Variants in CEP63 observed in about 807,000 individuals in gnomAD.
The protein encoded by CEP63 is centrosomal protein 63, also known as centrosomal protein of 63 kDa.
A neutral mutation model predicts 89.1 loss-of-function variants in CEP63; 84 were observed. The observed-to-expected ratio is 0.94, with a 90% CI of 0.79 to 1.13. The LOEUF is 1.13. Among genes scored for constraint, CEP63 ranks in the 50% most tolerant of loss-of-function variants. CEP63 has a pLI of 0.00. For missense variants in CEP63, 838 were observed against 813.3 expected, an observed-to-expected ratio of 1.03 and a Z score of -0.37; for synonymous variants, 267 against 272.5, an observed-to-expected ratio of 0.98 and a Z score of 0.20.
the CEP63 span, among the ~76,000 whole-genome samples, chr3:134,779,119 A>C: frequency 6.6e-6 from 1 of 152,188 alleles, no homozygotes; most frequent in Non-Finnish European, 1.5e-5. Flanking sequence ...GTTGTGTGAA[A>C]AATTTTATCT....
At chr3:134,660,403 G>A in the CEP63 span, among the ~76,000 whole-genome samples, 1 of 152,244 alleles carries the variant, frequency 6.6e-6, no homozygotes, top group African/African-American at 2.4e-5. Context: ...ATTATCCTGA[G>A]TTCATAGATG....
At chr3:134,616,132 C>T in the CEP63 span, among the ~76,000 whole-genome samples, 537 of 152,262 alleles carry the variant, frequency 3.5e-3, 2 homozygotes, top group African/African-American at 0.012. Flanking sequence ...ACTAAGGATG[C>T]AGGCAACTGA....
At chr3:134,719,482 G>C in the CEP63 span, among the ~76,000 whole-genome samples, 3 of 152,134 alleles carry the variant, frequency 2.0e-5, no homozygotes, top group Non-Finnish European at 4.4e-5. Context: ...GGTATGTCTT[G>C]TGGCACATAA....
the CEP63 span, among the ~76,000 whole-genome samples, chr3:134,669,468 AG>A: frequency 1.3e-5 from 2 of 152,092 alleles, no homozygotes; most frequent in African/African-American, 2.4e-5. Context: ...AGTAATGAGG[AG>A]GGGGGTCTTG....
the CEP63 span, among the ~76,000 whole-genome samples, chr3:134,723,557 A>G: frequency 6.6e-6 from 1 of 152,236 alleles, no homozygotes; most frequent in Non-Finnish European, 1.5e-5. Flanking sequence ...TTATTAGAGC[A>G]ATAGCTGACC....
At chr3:134,693,340 G>C in the CEP63 span, among the ~76,000 whole-genome samples, 2 of 152,160 alleles carry the variant, frequency 1.3e-5, no homozygotes, top group African/African-American at 4.8e-5. Flanking sequence ...AGCCATACCT[G>C]GAGATAGGAC....
At chr3:134,769,355 G>A in the CEP63 span, among the ~76,000 whole-genome samples, 1 of 152,166 alleles carries the variant, frequency 6.6e-6, no homozygotes, top group African/African-American at 2.4e-5. Context: ...GGTAACTCTG[G>A]TGATCATTCC....
At chr3:134,639,069 A>ATT in the CEP63 span, among the ~76,000 whole-genome samples, 4 of 97,588 alleles carry the variant, frequency 4.1e-5, no homozygotes, top group African/African-American at 8.3e-5. Context: ...TCTACTTTGG[A>ATT]GTTTTTTTTT....
the CEP63 span, among the ~76,000 whole-genome samples, chr3:134,662,675 C>G: frequency 1.3e-5 from 2 of 152,326 alleles, no homozygotes; most frequent in East Asian, 3.9e-4. Context: ...TTTGCTAATA[C>G]AGAGCATCAG....
At chr3:134,751,682 A>AT in the CEP63 span, among the ~76,000 whole-genome samples, 33 of 152,186 alleles carry the variant, frequency 2.2e-4, no homozygotes, top group African/African-American at 8.0e-4. Flanking sequence ...GGGAAGGGGT[A>AT]GGTATGTTTA....
At chr3:134,525,297 GT>G (rs1948414861) in intron 3 of CEP63, among the ~76,000 whole-genome samples, 1 of 151,826 alleles carries the variant, frequency 6.6e-6, no homozygotes, top group Admixed American at 6.6e-5. Context: ...CTGGTGGTCT[GT>G]TTTAATTTTT....
chr3:134,755,290 CAGG>C, the CEP63 span, among the ~76,000 whole-genome samples: 3 of 152,196 alleles, frequency 2.0e-5, no homozygotes, highest in South Asian at 2.1e-4. Flanking sequence ...AGCTCCCAGC[CAGG>C]AGAAGGGGCA....
the CEP63 span, among the ~76,000 whole-genome samples, chr3:134,753,807 A>G: frequency 6.6e-6 from 1 of 152,220 alleles, no homozygotes; most frequent in African/African-American, 2.4e-5. Context: ...ACAGAGCTAG[A>G]CAGAACAGAG....
intron 12 of CEP63, chr3:134,553,432 A>G (rs1269820135): frequency 6.6e-6 from 1 of 152,174 alleles, no homozygotes; most frequent in Non-Finnish European, 1.5e-5. Flanking sequence ...CAAAAGGTTA[A>G]TGTAAATTAT....
the CEP63 span, among the ~76,000 whole-genome samples, chr3:134,653,836 C>G: frequency 6.6e-6 from 1 of 152,200 alleles, no homozygotes. Context: ...CAAACCCACA[C>G]ATGCTTCAAC....
chr3:134,775,886 T>C, the CEP63 span, among the ~76,000 whole-genome samples: 11 of 152,198 alleles, frequency 7.2e-5, no homozygotes, highest in African/African-American at 2.7e-4. Flanking sequence ...CAATCAGCTG[T>C]GGATGTGGGG....
intron 12 of CEP63, chr3:134,553,585 A>C (rs549915689): frequency 6.6e-6 from 1 of 152,234 alleles, no homozygotes; most frequent in Non-Finnish European, 1.5e-5. Context: ...CTAATAAAGC[A>C]AAATAGACAT....
chr3:134,587,783 G>C (rs1005271087), exon 11 of CEP63, among the ~76,000 whole-genome samples: 1 of 151,714 alleles, frequency 6.6e-6, no homozygotes, highest in Admixed American at 6.6e-5. Context: ...ATCACGCTGG[G>C]AGCTACAGAC....
At chr3:134,757,544 T>C in the CEP63 span, among the ~76,000 whole-genome samples, 1 of 151,778 alleles carries the variant, frequency 6.6e-6, no homozygotes, top group Non-Finnish European at 1.5e-5. Flanking sequence ...GAGGTAGGAG[T>C]AGAAAAAGAG....
Sources: gnomAD v4.1 joint callset for allele counts (sites outside exome capture counted in the v4.1 genomes callset) on GRCh38, gnomAD v4.1.1 for gene constraint, MANE v1.5 for transcripts, NCBI Gene and HGNC (gene_info 2026-07-23, HGNC 2026-07-21) for gene names.